Variants in SDF4 observed in about 807,000 individuals in gnomAD.
The protein encoded by SDF4 is stromal cell derived factor 4, also known as 45 kDa calcium-binding protein.
A neutral mutation model predicts 34.2 loss-of-function variants in SDF4; 22 were observed. The observed-to-expected ratio is 0.64, with a 90% CI of 0.46 to 0.92. The LOEUF is 0.92. SDF4 is among the 40% of genes least tolerant of loss of function. The probability of loss-of-function intolerance (pLI) is 0.00; values close to 1 mark genes in which losing one functional copy is unlikely to be tolerated. For missense variants in SDF4, 447 were observed against 499.9 expected (o/e 0.89, Z 1.01); for synonymous variants, 236 against 203.1 (o/e 1.16, Z -1.38).
chr1:1,225,564 G>T (rs1437269280), intron 2 of SDF4, among the ~76,000 whole-genome samples: 2 of 152,308 alleles, frequency 1.3e-5, no homozygotes, highest in Non-Finnish European at 2.9e-5. Flanking sequence ...GGCACCCTCA[G>T]CTCCACAGTC....
rs1649534766 is a variant in SDF4 at position 1,217,002 on chromosome 1, C to T, written c.*510G>A. 1.3e-5 allele frequency: 2 copies of T among 152,366 alleles called. No homozygotes were observed. The highest frequency in any genetic ancestry group is 3.9e-4 in the East Asian group (2 of 5,190). The allele number at this position is 152,366 out of a possible 1,614,324, so 9.4% of individuals were successfully genotyped here. On this transcript the variant is annotated 3_prime_UTR_variant, in exon 7 of 7. Transcript: ENST00000360001. The surrounding 1 kb of genome is among the most constrained non-coding windows in gnomAD (Gnocchi z 8.5). ...CATTTTCTCAGCGGCAGCTGCGGGACCTGGGTGGCTCCGACACGCCAGGCC... is the reference window on the plus strand; with the variant it reads ...CATTTTCTCAGCGGCAGCTGCGGGATCTGGGTGGCTCCGACACGCCAGGCC...
chr1:1,218,990 T>A lies in SDF4; in HGVS notation c.557-63A>T. 8.1e-6 allele frequency: 13 copies of A among 1,612,160 alleles called. No individual in the cohort carries two copies. Among genetic ancestry groups the A allele is most frequent in the Non-Finnish European group, 1.1e-5 (13 of 1,179,702 alleles). On this transcript the variant is annotated intron_variant, in intron 4 of 6. Transcript: ENST00000360001. The surrounding 1 kb of genome is among the most constrained non-coding windows in gnomAD (Gnocchi z 7.9). Reference sequence around the variant, plus strand: ...GACGCCAGCACGCAAATCCAGAAAGTTCCGAGAGGTGCTGCCTGAACTCGA... The same window carrying A: ...GACGCCAGCACGCAAATCCAGAAAGATCCGAGAGGTGCTGCCTGAACTCGA...
chr1:1,220,894 C>A, intron 4 of SDF4: 1 of 559,922 alleles, frequency 1.8e-6, no homozygotes, highest in Non-Finnish European at 3.0e-6. Flanking sequence ...GAACGCGGGA[C>A]CGGGGTGGAG....
rs370319051 is a variant in SDF4, at chr1:1,228,753, G to C, written c.20C>G (p.Pro7Arg). 5.6e-5 allele frequency: 91 copies of C among 1,611,104 alleles called. No individual in the cohort carries two copies. The highest frequency in any genetic ancestry group is 6.6e-5 in the Non-Finnish European group (78 of 1,179,640). ...GCAGCACGGAGCCAGGCCAATGAGG[G>C]GACCCCACCTGGACGCCATCGCCAC... The part of the protein sequence containing the change: MASRWG[P>R]LIGLAPCCLW... Residue 7 changes from proline to arginine, a missense_variant, in exon 2 of 7, where the codon CCC becomes CGC. By Grantham distance (103) the Pro-to-Arg change is moderately radical (BLOSUM62 -2). Transcript: ENST00000360001.
At chr1:1,220,628 C>G in intron 4 of SDF4, 1 of 1,289,186 alleles carries the variant, frequency 7.8e-7, no homozygotes, top group Non-Finnish European at 1.0e-6. Context: ...ATGGGGACCC[C>G]CAAAACGCAG....
intron 1 of SDF4, among the ~76,000 whole-genome samples, chr1:1,229,883 C>T (rs1030647504): frequency 2.7e-5 from 4 of 150,790 alleles, no homozygotes; most frequent in African/African-American, 9.8e-5. Context: ...AAACACACAA[C>T]CCCCACACAC....
chr1:1,220,352 G>A (rs910323435), intron 4 of SDF4: 11 of 1,108,870 alleles, frequency 9.9e-6, no homozygotes, highest in African/African-American at 9.8e-5. Context: ...CCTTCACCGC[G>A]GTCCCCAGAA....
At position 1,229,060 on chromosome 1, in the gene SDF4, C is replaced by T. The variant is rs141512004; in HGVS notation, c.-174-114G>A. On this transcript the variant is annotated intron_variant, in intron 1 of 6. Transcript: ENST00000360001. ...TTCACAGGATCCAGACATGTGGCAT[C>T]GCCTTCTCCAGACCACACGTGGCAC... 4.5e-4 allele frequency: 222 copies of T among 497,120 alleles called. 1 individual carries two copies. The highest frequency in any genetic ancestry group is 3.9e-3 in the African/African-American group (199 of 51,268). The allele number at this position is 497,120 out of a possible 1,614,324, so 30.8% of individuals were successfully genotyped here.
intron 4 of SDF4, chr1:1,219,420 G>C: frequency 9.9e-7 from 1 of 1,012,964 alleles, no homozygotes; most frequent in Non-Finnish European, 1.2e-6. Context: ...CCCCACACCC[G>C]CGCCTGCCCC....
At position 1,231,917 on chromosome 1, in the gene SDF4, C is replaced by T. The variant is rs1180471067; in HGVS notation, c.-200G>A. ...CGGTCTGCCTCCCCGCGCTCGGGAT[C>T]CGAGGACCGGAGCGAAGCGTCAGTG... On this transcript the variant is annotated 5_prime_UTR_variant, in exon 1 of 7. Transcript: ENST00000360001. The T allele has an allele frequency of 6.6e-6, 1 of 152,196 alleles. No homozygotes were observed. Among genetic ancestry groups the T allele is most frequent in the Non-Finnish European group, 1.5e-5 (1 of 68,016 alleles). 9.4% of individuals were successfully genotyped at this position (152,196 alleles called of 1,614,324 possible).
intron 3 of SDF4, 42 bp downstream of exon 3, chr1:1,223,790 G>GCCCCCCCCCCC: frequency 1.0e-5 from 2 of 190,886 alleles, no homozygotes; most frequent in Non-Finnish European, 1.8e-5. Flanking sequence ...GGCCCTGCCC[G>GCCCCCCCCCCC]CCCCGCCCAC....
Position 1,219,207 on chromosome 1 carries a change from C to T in SDF4, c.557-280G>A, listed in dbSNP as rs1649747579. ...GGACTCCCCAAGACAGCCTGGACCCCCCCCTGCCCCAGACCCCCAATACAT... is the reference window on the plus strand; with the variant it reads ...GGACTCCCCAAGACAGCCTGGACCCTCCCCTGCCCCAGACCCCCAATACAT... On this transcript the variant is annotated intron_variant, in intron 4 of 6. Transcript: ENST00000360001. 4.0e-6 allele frequency: 5 copies of T among 1,258,830 alleles called. 1 individual carries two copies. The South Asian group carries it at 6.2e-5, about 16-fold the overall frequency. 78.0% of individuals were successfully genotyped at this position (1,258,830 alleles called of 1,614,324 possible).
At chr1:1,226,778 G>A (rs1638323309) in intron 2 of SDF4, among the ~76,000 whole-genome samples, 1 of 152,204 alleles carries the variant, frequency 6.6e-6, no homozygotes, top group Non-Finnish European at 1.5e-5. Context: ...AGAAACCCCG[G>A]TCCAGCTGGA....
chr1:1,227,684 C>T (rs932531767), intron 2 of SDF4, among the ~76,000 whole-genome samples: 1 of 152,178 alleles, frequency 6.6e-6, no homozygotes, highest in Non-Finnish European at 1.5e-5. Context: ...AGGGCCACAC[C>T]GCAGGGCACC....
chr1:1,218,416 C>T lies in SDF4; in HGVS notation c.891+42G>A. On this transcript the variant is annotated intron_variant, in intron 6 of 6. Coordinates refer to ENST00000360001, the MANE Select transcript of SDF4 (RefSeq NM_016176.6). This position sits in a 1 kb window ranked among gnomAD's most constrained non-coding sequence, Gnocchi z 7.9. The stretch of plus-strand genomic sequence containing the variant: ...CCACCAGCCCCTCCCGCCACAGCAC[C>T]TCGCAGGGCCGGCTCCGGGACACGG... 1 of 1,590,002 alleles carries T rather than the reference C, an allele frequency of 6.3e-7. No homozygotes were observed. The highest frequency in any genetic ancestry group is 1.7e-4 in the Middle Eastern group (1 of 5,996).
At position 1,218,310 on chromosome 1, in the gene SDF4, C is replaced by T. The variant is rs566156220; in HGVS notation, c.891+148G>A. ...AACGGCCATGCAGCCTGGTGGACAC[C>T]GCTGAGCAAACGCCCCAGTGACCAG... is the stretch of plus-strand genomic sequence containing the variant. On this transcript the variant is annotated intron_variant, in intron 6 of 6. Transcript: ENST00000360001. This position sits in a 1 kb window ranked among gnomAD's most constrained non-coding sequence, Gnocchi z 7.9. The T allele has an allele frequency of 3.7e-4, 307 of 827,114 alleles. 2 individuals carry two copies. In the Middle Eastern group the frequency reaches 4.8e-3, roughly 13 times the overall value. 51.2% of individuals were successfully genotyped at this position (827,114 alleles called of 1,614,324 possible). A position where few individuals can be genotyped will look rare whatever the true frequency, so the allele number is the denominator to read the frequency against.
At chr1:1,226,659 G>A (rs1638320463) in intron 2 of SDF4, among the ~76,000 whole-genome samples, 1 of 152,164 alleles carries the variant, frequency 6.6e-6, no homozygotes, top group South Asian at 2.1e-4. Context: ...GGCCGCTGTC[G>A]CCGCTCGGCG....
At chr1:1,229,731 A>G (rs1298168605) in intron 1 of SDF4, among the ~76,000 whole-genome samples, 1 of 152,052 alleles carries the variant, frequency 6.6e-6, no homozygotes, top group Non-Finnish European at 1.5e-5. Flanking sequence ...GAGATCTATG[A>G]CCTTAGCTAA....
chr1:1,220,624 A>T, intron 4 of SDF4: 1 of 1,289,122 alleles, frequency 7.8e-7, no homozygotes, highest in Non-Finnish European at 1.0e-6. Context: ...ATGCATGGGG[A>T]CCCCCAAAAC....
Sources: gnomAD v4.1 joint callset for allele counts (sites outside exome capture counted in the v4.1 genomes callset) on GRCh38, gnomAD v4.1.1 for gene constraint, Gnocchi (gnomAD v3.1) non-coding constraint, MANE v1.5 for transcripts, NCBI Gene and HGNC (gene_info 2026-07-23, HGNC 2026-07-21) for gene names.